Variants in UBE3C observed in about 807,000 individuals in gnomAD.
UBE3C encodes the protein ubiquitin protein ligase E3C, also known as ubiquitin-protein ligase E3C.
A neutral mutation model predicts 129.4 loss-of-function variants in UBE3C; 42 were observed. The observed-to-expected ratio is 0.32, with a 90% confidence interval of 0.25 to 0.42. The LOEUF is 0.42. UBE3C is among the 10% of genes least tolerant of loss of function. UBE3C has a pLI of 1.00. For missense variants in UBE3C, 1,049 were observed against 1,319.1 expected, an observed-to-expected ratio of 0.80 and a Z score of 3.17; for synonymous variants, 510 against 492.4, an observed-to-expected ratio of 1.04 and a Z score of -0.47.
At chr7:157,231,734 C>G (rs1182445) in intron 18 of UBE3C, 94,689 of 177,628 alleles carry the variant, frequency 0.53, 28,488 homozygotes, top group Non-Finnish European at 0.66. Context: ...GAAGACCTCA[C>G]CAGGGGCTGC....
At chr7:157,191,275 T>C (rs562034665) in intron 10 of UBE3C, among the ~76,000 whole-genome samples, 1 of 152,292 alleles carries the variant, frequency 6.6e-6, no homozygotes, top group East Asian at 1.9e-4. Context: ...GTGTAGTGTT[T>C]GTTGGTTTTG....
chr7:157,172,986 T>G (rs957260213), intron 4 of UBE3C, among the ~76,000 whole-genome samples: 1 of 152,218 alleles, frequency 6.6e-6, no homozygotes, highest in Non-Finnish European at 1.5e-5. Flanking sequence ...TATTTGACTT[T>G]CGGCCTCGAG....
At chr7:157,263,370 C>T in intron 22 of UBE3C, 1 of 152,550 alleles carries the variant, frequency 6.6e-6, no homozygotes, top group Non-Finnish European at 1.5e-5. Flanking sequence ...TGTGGGCTTG[C>T]CACACTTACA....
intron 18 of UBE3C, among the ~76,000 whole-genome samples, chr7:157,241,236 G>A (rs1049463972): frequency 2.6e-5 from 4 of 152,124 alleles, no homozygotes; most frequent in East Asian, 1.9e-4. Context: ...AAAAAATCCC[G>A]TCTTAGCTGT....
chr7:157,251,079 A>T (rs1355818114), intron 19 of UBE3C, among the ~76,000 whole-genome samples: 1 of 152,242 alleles, frequency 6.6e-6, no homozygotes, highest in Non-Finnish European at 1.5e-5. Flanking sequence ...ATTATACTAA[A>T]GAGCCTAATG....
Position 157,186,760 on chromosome 7 carries a change from C to A in UBE3C, c.1144-74C>A, listed in dbSNP as rs1297813886. The stretch of plus-strand genomic sequence containing the variant: ...CTTTGCCCGAAGAAAAATGTGATTT[C>A]GTATATGTTTGTAGTGTAGAGGACG... On this transcript the variant is annotated intron_variant, in intron 9 of 22. Coordinates refer to ENST00000348165, the MANE Select transcript of UBE3C (RefSeq NM_014671.3). The A allele has an allele frequency of 2.6e-6, 4 of 1,520,948 alleles. No individual in the cohort carries two copies. In the African/African-American group the frequency reaches 4.1e-5, roughly 16 times the overall value. 94.2% of individuals were successfully genotyped at this position (1,520,948 alleles called of 1,614,324 possible).
At chr7:157,155,285 A>T (rs960010188) in intron 1 of UBE3C, among the ~76,000 whole-genome samples, 2 of 152,214 alleles carry the variant, frequency 1.3e-5, no homozygotes, top group African/African-American at 4.8e-5. Context: ...GAAGTGTATA[A>T]AATGGCTAGC....
At chr7:157,225,620 T>TA in intron 17 of UBE3C, 81 bp downstream of exon 17, 1 of 1,426,564 alleles carries the variant, frequency 7.0e-7, no homozygotes, top group Non-Finnish European at 9.2e-7. Context: ...CTTTAAAAAT[T>TA]AGTGTCCATC....
chr7:157,178,755 T>C lies in UBE3C; in HGVS notation c.524T>C (p.Phe175Ser). 1 of 1,614,240 alleles carries C rather than the reference T, an allele frequency of 6.2e-7. No individual in the cohort carries two copies. The highest frequency in any genetic ancestry group is 1.1e-5 in the South Asian group (1 of 91,086). ...VALPMRMLEVFSSENTYLPVL... is the reference protein window; with the variant it reads ...VALPMRMLEVSSSENTYLPVL... ...CTTCCAATGAGAATGCTTGAAGTAT[T>C]TTCGTCTGAGAATACTTACTTGCCT... Residue 175 changes from phenylalanine (F) to serine (S), a missense_variant, in exon 6 of 23, where the codon TTT becomes TCT. Physicochemically the swap from Phe to Ser is radical, Grantham distance 155. Around this residue, in one of 4 missense-constraint regions of UBE3C, gnomAD observed 489 missense variants for 513.8 expected, o/e 0.95. Transcript: ENST00000348165.
chr7:157,184,683 C>G (rs1004472366), intron 9 of UBE3C, among the ~76,000 whole-genome samples: 3 of 152,164 alleles, frequency 2.0e-5, no homozygotes, highest in African/African-American at 7.2e-5. Context: ...ACAGAATATA[C>G]TTGAGAGGGT....
At chr7:157,244,719 C>T (rs1796432536) in intron 18 of UBE3C, among the ~76,000 whole-genome samples, 1 of 152,210 alleles carries the variant, frequency 6.6e-6, no homozygotes, top group Non-Finnish European at 1.5e-5. Context: ...CGCGACTGCA[C>T]TCACTTATAT....
intron 22 of UBE3C, among the ~76,000 whole-genome samples, chr7:157,265,197 C>T (rs1024100227): frequency 1.3e-5 from 2 of 152,198 alleles, no homozygotes; most frequent in African/African-American, 4.8e-5. Flanking sequence ...CAGAGAGTTT[C>T]GTGTACACGT....
At chr7:157,146,130 T>C (rs900626809) in intron 1 of UBE3C, among the ~76,000 whole-genome samples, 7 of 152,268 alleles carry the variant, frequency 4.6e-5, no homozygotes, top group African/African-American at 1.7e-4. Context: ...TTGAAGTTTT[T>C]TTGTTTGTGG....
In UBE3C at chr7:157,218,483, A is replaced by G. The variant is rs568890516; in HGVS notation, c.1914+1512A>G. On this transcript the variant is annotated intron_variant, in intron 14 of 22. Coordinates refer to ENST00000348165, the MANE Select transcript of UBE3C (RefSeq NM_014671.3). Reference sequence around the variant, plus strand: ...AAAAAAAAAACCATGTCACAGAAATATTCGAGGAGAGAAAACAGGAGTGTT... The same window carrying G: ...AAAAAAAAAACCATGTCACAGAAATGTTCGAGGAGAGAAAACAGGAGTGTT... Among the ~76,000 whole-genome samples, 3 of 152,284 alleles carry G rather than the reference A, an allele frequency of 2.0e-5. No individual in the cohort carries two copies. In the South Asian group the frequency reaches 6.2e-4, roughly 32 times the overall value.
At chr7:157,169,730 G>A (rs1323242692) in intron 3 of UBE3C, among the ~76,000 whole-genome samples, 1 of 151,992 alleles carries the variant, frequency 6.6e-6, no homozygotes, top group Non-Finnish European at 1.5e-5. Flanking sequence ...CACACAGGCT[G>A]GAGTGCAGTT....
At chr7:157,184,088 T>G in intron 9 of UBE3C, 59 bp downstream of exon 9, 1 of 1,582,542 alleles carries the variant, frequency 6.3e-7, no homozygotes, top group East Asian at 2.3e-5. Flanking sequence ...TCGGATCTTC[T>G]AGCTTTCTGT....
intron 13 of UBE3C, among the ~76,000 whole-genome samples, chr7:157,216,208 T>C (rs755229206): frequency 7.2e-5 from 11 of 152,200 alleles, no homozygotes; most frequent in Non-Finnish European, 1.0e-4. Context: ...TCTGGGGTGC[T>C]GCTTTTTTCC....
rs1277982469 is a variant in UBE3C at position 157,175,150 on chromosome 7, T to TC, written c.458+116_458+117insC. ...GGCTTTTCCATACTTTTTTTTTTTTTTTTTTTTTGAGGTCATGGACTTCTG... is the reference window on the plus strand; with the variant it reads ...GGCTTTTCCATACTTTTTTTTTTTTTCTTTTTTTTGAGGTCATGGACTTCTG... On this transcript the variant is annotated intron_variant, in intron 5 of 22. Transcript: ENST00000348165. The TC allele has an allele frequency of 3.3e-5, 23 of 690,054 alleles. 1 individual carries two copies. The African/African-American group carries it at 3.8e-4, about 11-fold the overall frequency. 42.7% of individuals were successfully genotyped at this position (690,054 alleles called of 1,614,324 possible).
rs76320903 is a variant in UBE3C, at chr7:157,241,001, G to A, written c.2482-7367G>A. Among the ~76,000 whole-genome samples the A allele has an allele frequency of 3.5e-3, 531 of 152,298 alleles. 2 individuals carry two copies. Among genetic ancestry groups the A allele is most frequent in the African/African-American group, 0.012 (494 of 41,562 alleles). On this transcript the variant is annotated intron_variant, in intron 18 of 22. Coordinates refer to ENST00000348165, the MANE Select transcript of UBE3C (RefSeq NM_014671.3). ...TGAACCCGGGAGAGGTAATGGATGC[G>A]CAAGCCCAGTGCATGAGATTGAAAG...
Sources: gnomAD v4.1 joint callset for allele counts (sites outside exome capture counted in the v4.1 genomes callset) on GRCh38, gnomAD v4.1.1 for gene constraint, gnomAD v4.1.1 regional missense constraint, MANE v1.5 for transcripts, NCBI Gene and HGNC (gene_info 2026-07-23, HGNC 2026-07-21) for gene names.